Variants in SLC5A11 observed in about 807,000 individuals in gnomAD.
SLC5A11 encodes the protein sodium/myo-inositol cotransporter 2.
SLC5A11 carries 48 observed loss-of-function variants against 69.8 expected under a neutral mutation model. The observed-to-expected ratio is 0.69, with a 90% CI of 0.55 to 0.87. SLC5A11 has a LOEUF of 0.87. SLC5A11 is among the 40% of genes least tolerant of loss of function. The pLI is 0.00. For synonymous variants in SLC5A11, 319 were observed against 342.4 expected (o/e 0.93, Z 0.75); for missense variants, 784 against 866.1 (o/e 0.91, Z 1.19).
intron 10 of SLC5A11, among the ~76,000 whole-genome samples, chr16:24,901,647 A>T (rs1349134790): frequency 2.0e-5 from 3 of 151,936 alleles, no homozygotes; most frequent in Non-Finnish European, 4.4e-5. Context: ...TTATTCTTCC[A>T]TGAATTCAAC....
intron 8 of SLC5A11, among the ~76,000 whole-genome samples, chr16:24,884,916 A>G (rs1567641650): frequency 6.7e-6 from 1 of 149,700 alleles, no homozygotes; most frequent in South Asian, 2.1e-4. Context: ...AATTTTTTTC[A>G]TTTTTTTAAA....
Position 24,849,572 on chromosome 16 carries a change from C to CAAAAAAAAAAAA in SLC5A11, c.-25+3145_-25+3156dup, listed in dbSNP as rs1182615959. 2.3e-3 allele frequency among the ~76,000 whole-genome samples: 87 copies of CAAAAAAAAAAAA among 38,474 alleles called. 6 individuals are homozygous for CAAAAAAAAAAAA. Among genetic ancestry groups the CAAAAAAAAAAAA allele is most frequent in the African/African-American group, 7.1e-3 (60 of 8,510 alleles). 25.2% of individuals were successfully genotyped at this position (38,474 alleles called of 152,430 possible). On this transcript the variant is annotated intron_variant, in intron 1 of 15. Coordinates refer to ENST00000347898, the Ensembl canonical transcript of SLC5A11. ...ACAGAGCGAGACTCTGCCTTGGGGG[C>CAAAAAAAAAAAA]AAAAAAAAAAAAAAAAAAAAAATAT... is the stretch of plus-strand genomic sequence containing the variant.
chr16:24,911,589 A>G, exon 16 of SLC5A11: 2 of 1,532,932 alleles, frequency 1.3e-6, no homozygotes, highest in Admixed American at 1.8e-5. Context: ...CCATTTTTTT[A>G]ATGAAAGAAA....
At chr16:24,902,819 G>A (rs924263403) in intron 10 of SLC5A11, among the ~76,000 whole-genome samples, 1 of 152,278 alleles carries the variant, frequency 6.6e-6, no homozygotes, top group East Asian at 1.9e-4. Flanking sequence ...AATTACAGGC[G>A]TGGGCCACCG....
intron 5 of SLC5A11, 21 bp downstream of exon 6, chr16:24,872,240 A>G (rs914130617): frequency 1.9e-6 from 3 of 1,613,790 alleles, no homozygotes; most frequent in Non-Finnish European, 2.5e-6. Context: ...GGACATTGGG[A>G]TGCTGTAGAA....
chr16:24,869,974 C>T (rs1024413135), exon 4 of SLC5A11: 8 of 1,613,876 alleles, frequency 5.0e-6, no homozygotes, highest in East Asian at 2.2e-5. Flanking sequence ...GGTGCTGCTA[C>T]GGGCATTTCT....
chr16:24,860,176 A>G (rs1375023849), intron 2 of SLC5A11, among the ~76,000 whole-genome samples: 1 of 152,190 alleles, frequency 6.6e-6, no homozygotes, highest in Non-Finnish European at 1.5e-5. Context: ...AGTCCCAGCT[A>G]CTTGGGAGGC....
chr16:24,905,456 A>T (rs2049965190), intron 10 of SLC5A11, among the ~76,000 whole-genome samples: 1 of 151,450 alleles, frequency 6.6e-6, no homozygotes, highest in African/African-American at 2.4e-5. Flanking sequence ...AAAAATAAAA[A>T]TAAAAATAAA....
At chr16:24,904,325 C>G (rs7186009) in intron 10 of SLC5A11, among the ~76,000 whole-genome samples, 54,619 of 152,010 alleles carry the variant, frequency 0.36, 10,576 homozygotes, top group Non-Finnish European at 0.44. Context: ...TGAGGAACCT[C>G]CATAGTTTTC....
Position 24,908,151 on chromosome 16 carries a change from A to G in SLC5A11, c.1434+20A>G, listed in dbSNP as rs748848082. The G allele has an allele frequency of 6.4e-7, 1 of 1,554,006 alleles. No individual in the cohort carries two copies. The highest frequency in any genetic ancestry group is 1.4e-5 in the African/African-American group (1 of 72,842). Reference sequence around the variant, plus strand: ...GAAAAGGTAGCTCTGGATGGCTCCCACTATGCCAGAACCAAGTGCTGCCCC... The same window carrying G: ...GAAAAGGTAGCTCTGGATGGCTCCCGCTATGCCAGAACCAAGTGCTGCCCC... On this transcript the variant is annotated intron_variant, in intron 13 of 15. Coordinates refer to ENST00000347898, the Ensembl canonical transcript of SLC5A11.
chr16:24,849,060 T>G (rs1282587301), intron 1 of SLC5A11, among the ~76,000 whole-genome samples: 1 of 152,174 alleles, frequency 6.6e-6, no homozygotes, highest in East Asian at 1.9e-4. Context: ...CTCTTGGTGC[T>G]TAGATGTAGT....
intron 9 of SLC5A11, among the ~76,000 whole-genome samples, chr16:24,891,666 G>A (rs2048818742): frequency 6.6e-6 from 1 of 151,982 alleles, no homozygotes; most frequent in South Asian, 2.1e-4. Context: ...AGTAAGCAAA[G>A]GAGATGATAC....
rs182136817 is a variant in SLC5A11, at chr16:24,856,694, C to T, written c.-24-1926C>T. Among the ~76,000 whole-genome samples, 584 of 149,204 alleles carry T rather than the reference C, an allele frequency of 3.9e-3. 1 individual carries two copies. Among genetic ancestry groups the T allele is most frequent in the African/African-American group, 0.013 (540 of 40,654 alleles). On this transcript the variant is annotated intron_variant, in intron 1 of 15. Transcript: ENST00000347898. ...GCTGAGGCAGGAGAATGGTGTGAAC[C>T]GGGGAGGCAGAGCTTGTAGTGAGCC...
chr16:24,908,730 A>G, intron 13 of SLC5A11, 151 bp from the exon 15 acceptor site: 1 of 627,252 alleles, frequency 1.6e-6, no homozygotes, highest in East Asian at 2.8e-5. Context: ...ATAAAAAGAT[A>G]AATGGTTAAG....
chr16:24,907,847 C>A, intron 12 of SLC5A11, 116 bp from the exon 14 acceptor site: 1 of 1,388,164 alleles, frequency 7.2e-7, no homozygotes, highest in Non-Finnish European at 9.9e-7. Context: ...GCTCTCACCA[C>A]TGCACCCCGG....
chr16:24,907,674 T>TC (rs1278199456), intron 12 of SLC5A11, among the ~76,000 whole-genome samples: 1 of 150,690 alleles, frequency 6.6e-6, no homozygotes, highest in African/African-American at 2.5e-5. Context: ...CGCACTGCAC[T>TC]CCCGCCTGGG....
At chr16:24,871,164 C>A (rs1312358737) in intron 4 of SLC5A11, among the ~76,000 whole-genome samples, 1 of 152,154 alleles carries the variant, frequency 6.6e-6, no homozygotes, top group Admixed American at 6.5e-5. Flanking sequence ...ACAAATTAGA[C>A]CCACACTGCC....
intron 3 of SLC5A11, among the ~76,000 whole-genome samples, chr16:24,864,129 G>T (rs2046769924): frequency 6.6e-6 from 1 of 152,124 alleles, no homozygotes; most frequent in African/African-American, 2.4e-5. Context: ...TGCACATAGG[G>T]TGCTTTGAAA....
At chr16:24,857,334 C>T (rs774456212) in intron 1 of SLC5A11, among the ~76,000 whole-genome samples, 1 of 152,216 alleles carries the variant, frequency 6.6e-6, no homozygotes, top group Non-Finnish European at 1.5e-5. Context: ...AGTCAATGCC[C>T]TGATCACTTG....
Sources: allele counts gnomAD v4.1 joint callset (sites outside exome capture counted in the v4.1 genomes callset), GRCh38; gene constraint gnomAD v4.1.1; transcripts MANE v1.5; gene names NCBI Gene and HGNC (gene_info 2026-07-23, HGNC 2026-07-21).